GLI2: variants seen among roughly 807,000 people sequenced by gnomAD.
GLI2 encodes GLI family zinc finger 2.
GLI2 carries 22 observed loss-of-function variants against 78.9 expected under a neutral mutation model. The ratio of observed to expected loss-of-function variants is 0.28; its 90% confidence interval spans 0.20 to 0.40. The LOEUF is 0.40. Ranked by LOEUF, GLI2 falls within the 10% of genes least tolerant of loss-of-function variation. GLI2 has a pLI of 1.00. For synonymous variants in GLI2, 974 were observed against 963.7 expected (o/e 1.01, Z -0.20); for missense variants, 2,097 against 2,213.2 (o/e 0.95, Z 1.05).
intron 2 of GLI2, among the ~76,000 whole-genome samples, chr2:120,863,793 G>T (rs546657032): frequency 6.6e-6 from 1 of 152,310 alleles, no homozygotes; most frequent in East Asian, 1.9e-4. Flanking sequence ...GATATGTCCT[G>T]GGAACAGCAC....
chr2:120,916,064 C>T (rs938261384), intron 2 of GLI2, among the ~76,000 whole-genome samples: 1 of 152,216 alleles, frequency 6.6e-6, no homozygotes, highest in Non-Finnish European at 1.5e-5. Flanking sequence ...GCCTGTGAGT[C>T]TCCCTCCCGG....
intron 2 of GLI2, among the ~76,000 whole-genome samples, chr2:120,827,326 A>T (rs559070380): frequency 5.9e-5 from 9 of 152,270 alleles, no homozygotes; most frequent in African/African-American, 2.2e-4. Context: ...GTCAGTGGGG[A>T]TTCATACCCA....
At chr2:120,971,167 A>ATCTC (rs1175815044) in intron 7 of GLI2, among the ~76,000 whole-genome samples, 3 of 152,194 alleles carry the variant, frequency 2.0e-5, no homozygotes, top group Admixed American at 2.0e-4. Context: ...AAAGCAGCAC[A>ATCTC]TCTCTTTCCC....
intron 2 of GLI2, among the ~76,000 whole-genome samples, chr2:120,921,236 C>CT (rs909337418): frequency 3.3e-5 from 5 of 151,012 alleles, no homozygotes; most frequent in Non-Finnish European, 7.4e-5. Context: ...TCTGTAGAGA[C>CT]TGTGTGTGCA....
chr2:120,815,480 T>C (rs1302420416), intron 2 of GLI2, among the ~76,000 whole-genome samples: 1 of 152,186 alleles, frequency 6.6e-6, no homozygotes, highest in Admixed American at 6.5e-5. Flanking sequence ...CCTCCACCGA[T>C]AGAGGGACTG....
chr2:120,984,674 G>C lies in GLI2; in HGVS notation c.1836G>C (p.Glu612Asp), dbSNP rs535733917. 1 of 1,613,782 alleles carries C rather than the reference G, an allele frequency of 6.2e-7. No homozygotes were observed. Among genetic ancestry groups the C allele is most frequent in the East Asian group, 2.2e-5 (1 of 44,884 alleles). ...AGCCTGGCGGCCCAGAGAGCACCGA[G>C]GCCAGCAGCACCAGCCAGGCCGTGG... ...GTEPGGPEST[E>D]ASSTSQAVED... The change falls in exon 12 of 14, where the codon GAG becomes GAC. Residue 612 changes from glutamate to aspartate, a missense_variant. Around this residue, in one of 5 missense-constraint regions of GLI2, gnomAD observed 68 missense variants for 104.4 expected, o/e 0.65. Coordinates refer to ENST00000361492, the MANE Select transcript of GLI2 (RefSeq NM_001374353.1).
chr2:120,950,243 A>G (rs1680912802), intron 3 of GLI2, among the ~76,000 whole-genome samples: 1 of 152,230 alleles, frequency 6.6e-6, no homozygotes, highest in East Asian at 1.9e-4. Flanking sequence ...TGATTCTAAC[A>G]CACTCTCTTT....
intron 1 of GLI2, among the ~76,000 whole-genome samples, chr2:120,773,753 T>C (rs1195341735): frequency 6.6e-6 from 1 of 151,926 alleles, no homozygotes; most frequent in Non-Finnish European, 1.5e-5. Flanking sequence ...GGGCTCAAAG[T>C]GGGGCAGGAT....
chr2:120,824,816 A>C (rs906981322), intron 2 of GLI2, among the ~76,000 whole-genome samples: 1 of 152,150 alleles, frequency 6.6e-6, no homozygotes, highest in Admixed American at 6.6e-5. Flanking sequence ...GGATGTCCCC[A>C]TGGCATTTCT....
In GLI2 at chr2:120,960,108, T is replaced by G. The variant is rs115761752; in HGVS notation, c.643+4678T>G. Among the ~76,000 whole-genome samples the G allele has an allele frequency of 8.6e-3, 1,305 of 152,296 alleles. 17 individuals carry two copies. The highest frequency in any genetic ancestry group is 0.028 in the African/African-American group (1,165 of 41,566). On this transcript the variant is annotated intron_variant, in intron 5 of 13. Transcript: ENST00000361492. The stretch of plus-strand genomic sequence containing the variant: ...CAGGTGTTTATTGGGCACCTTCTAT[T>G]TACCAGGCTCGGTTCTAGGTCTAGG...
chr2:120,844,328 G>GTT lies in GLI2; in HGVS notation c.148+46862_148+46863dup, dbSNP rs1450880806. The stretch of plus-strand genomic sequence containing the variant: ...TGGACAGATTTGGCCTCAGGCTGTA[G>GTT]TTTGCTAATCCTTACTTTGATTGCC... On this transcript the variant is annotated intron_variant, in intron 2 of 13. Coordinates refer to ENST00000361492, the MANE Select transcript of GLI2 (RefSeq NM_001374353.1). Among the ~76,000 whole-genome samples, 11 of 152,364 alleles carry GTT rather than the reference G, an allele frequency of 7.2e-5. No homozygotes were observed. The South Asian group carries it at 2.3e-3, about 32-fold the overall frequency.
At chr2:120,973,396 C>T (rs972418598) in intron 8 of GLI2, among the ~76,000 whole-genome samples, 5 of 152,240 alleles carry the variant, frequency 3.3e-5, no homozygotes, top group Non-Finnish European at 7.3e-5. Flanking sequence ...GCCCGCCCTC[C>T]AACCCTGGCC....
intron 3 of GLI2, among the ~76,000 whole-genome samples, chr2:120,934,711 G>A (rs960533793): frequency 6.6e-6 from 1 of 152,160 alleles, no homozygotes; most frequent in Admixed American, 6.5e-5. Flanking sequence ...ACAGCATTAA[G>A]AGTGTCTGAA....
At chr2:120,956,545 C>T (rs1388343948) in intron 5 of GLI2, among the ~76,000 whole-genome samples, 2 of 152,098 alleles carry the variant, frequency 1.3e-5, no homozygotes, top group Non-Finnish European at 2.9e-5. Context: ...CAGTCAGCGC[C>T]ACTCCGCCTG....
chr2:120,900,495 C>T (rs1306596891), intron 2 of GLI2, among the ~76,000 whole-genome samples: 1 of 152,228 alleles, frequency 6.6e-6, no homozygotes, highest in Admixed American at 6.5e-5. Flanking sequence ...CTCCATGAAG[C>T]TCTCATTACC....
intron 5 of GLI2, among the ~76,000 whole-genome samples, chr2:120,968,098 G>A (rs1033771804): frequency 2.6e-5 from 4 of 152,230 alleles, no homozygotes; most frequent in Non-Finnish European, 5.9e-5. Flanking sequence ...GAACAGGCAA[G>A]CTTCTGCCAC....
At chr2:120,867,799 G>T (rs532071613) in intron 2 of GLI2, among the ~76,000 whole-genome samples, 1 of 152,214 alleles carries the variant, frequency 6.6e-6, no homozygotes, top group Non-Finnish European at 1.5e-5. Context: ...TCAGGCGGGG[G>T]GAGCTGGAGG....
chr2:120,890,401 C>T (rs1394958995), intron 2 of GLI2, among the ~76,000 whole-genome samples: 1 of 151,842 alleles, frequency 6.6e-6, no homozygotes, highest in Non-Finnish European at 1.5e-5. Context: ...TGAATCTGTA[C>T]CTTTAATGAA....
At position 120,786,132 on chromosome 2, in the gene GLI2, C is replaced by T. The variant is rs139162054; in HGVS notation, c.-30-11159C>T. Among the ~76,000 whole-genome samples the T allele has an allele frequency of 3.1e-3, 470 of 152,294 alleles. 1 individual carries two copies. Among genetic ancestry groups the T allele is most frequent in the African/African-American group, 0.011 (459 of 41,570 alleles). On this transcript the variant is annotated intron_variant, in intron 1 of 13. Coordinates refer to ENST00000361492, the MANE Select transcript of GLI2 (RefSeq NM_001374353.1). The stretch of plus-strand genomic sequence containing the variant: ...CAAACTCAGAGGAATCAAAACGCAG[C>T]TCTCCCCACCACCCTGGACGGGTCT...
Sources: allele counts gnomAD v4.1 joint callset (sites outside exome capture counted in the v4.1 genomes callset), GRCh38; gene constraint gnomAD v4.1.1; regional missense constraint gnomAD v4.1.1; transcripts MANE v1.5; gene names NCBI Gene and HGNC (gene_info 2026-07-23, HGNC 2026-07-21).